KCNU1: variants seen among roughly 807,000 people sequenced by gnomAD.
KCNU1 encodes potassium calcium-activated channel subfamily U member 1.
Under a neutral mutation model 126.8 loss-of-function variants are expected in KCNU1, and 93 were observed. The ratio of observed to expected loss-of-function variants is 0.73; its 90% CI spans 0.62 to 0.87. The LOEUF is 0.87. Among genes scored for constraint, KCNU1 ranks in the 40% least tolerant of loss-of-function variants. The pLI is 0.00. For synonymous variants in KCNU1, 523 were observed against 494.2 expected, an observed-to-expected ratio of 1.06 and a Z score of -0.77; for missense variants, 1,330 against 1,367.1, an observed-to-expected ratio of 0.97 and a Z score of 0.43.
chr8:36,854,654 T>G (rs1476275970), intron 18 of KCNU1, among the ~76,000 whole-genome samples: 3 of 152,168 alleles, frequency 2.0e-5, no homozygotes, highest in Non-Finnish European at 4.4e-5. Flanking sequence ...TATAGGTTTT[T>G]AAAGCTCTTC....
intron 10 of KCNU1, among the ~76,000 whole-genome samples, chr8:36,826,888 A>T (rs1185352106): frequency 1.3e-5 from 2 of 151,686 alleles, no homozygotes; most frequent in Non-Finnish European, 2.9e-5. Flanking sequence ...TTTTATTTTT[A>T]TTTTTTGCAT....
chr8:36,932,936 G>A lies in KCNU1; in HGVS notation c.2948G>A (p.Gly983Glu). The A allele has an allele frequency of 6.4e-7, 1 of 1,569,220 alleles. No individual in the cohort carries two copies. The highest frequency in any genetic ancestry group is 8.7e-7 in the Non-Finnish European group (1 of 1,154,780). The change falls in exon 26 of 27, where the codon GGA becomes GAA. Residue 983 changes from glycine to glutamate, a missense_variant. Physicochemically the swap from Gly to Glu is moderately conservative, Grantham distance 98. Around this residue, in one of 3 missense-constraint regions of KCNU1, gnomAD observed 1,054 missense variants for 1,053.9 expected, o/e 1.00. Transcript: ENST00000399881. ...TCTCCCCAGCCAAGAAACACCTTTG[G>A]ACAACTGTTCTGTGGCTCATTAGAT... The part of the protein sequence containing the change: ...LSDVNPRNTF[G>E]QLFCGSLDLF...
intron 5 of KCNU1, among the ~76,000 whole-genome samples, chr8:36,807,117 A>T (rs1803530121): frequency 6.6e-6 from 1 of 152,168 alleles, no homozygotes; most frequent in Admixed American, 6.5e-5. Flanking sequence ...GTACTATTAT[A>T]ATAGTACCAT....
chr8:36,837,736 A>C (rs1804804265), intron 14 of KCNU1, among the ~76,000 whole-genome samples: 1 of 152,226 alleles, frequency 6.6e-6, no homozygotes, highest in Non-Finnish European at 1.5e-5. Context: ...TGGTCTTCCA[A>C]ATATCATTTC....
intron 2 of KCNU1, among the ~76,000 whole-genome samples, chr8:36,788,075 G>T (rs1585371650): frequency 6.6e-6 from 1 of 151,952 alleles, no homozygotes; most frequent in African/African-American, 2.4e-5. Context: ...CCTCTCCTTT[G>T]ATTTCAATAG....
chr8:36,841,951 T>C (rs913554038), intron 16 of KCNU1, among the ~76,000 whole-genome samples: 4 of 151,120 alleles, frequency 2.6e-5, no homozygotes, highest in African/African-American at 9.7e-5. Context: ...GACAAATAGA[T>C]ACTATAATAT....
At chr8:36,854,597 C>T (rs1805467205) in intron 18 of KCNU1, among the ~76,000 whole-genome samples, 1 of 151,070 alleles carries the variant, frequency 6.6e-6, no homozygotes, top group Non-Finnish European at 1.5e-5. Context: ...TAATGACATT[C>T]TCTATTTTGT....
intron 24 of KCNU1, among the ~76,000 whole-genome samples, chr8:36,929,824 A>G (rs1050371080): frequency 2.7e-4 from 41 of 152,112 alleles, no homozygotes; most frequent in African/African-American, 9.9e-4. Context: ...TCAGGATACT[A>G]AAAGGTTGAG....
intron 10 of KCNU1, among the ~76,000 whole-genome samples, chr8:36,832,166 T>C (rs1002087941): frequency 6.6e-6 from 1 of 152,202 alleles, no homozygotes; most frequent in East Asian, 1.9e-4. Flanking sequence ...TACTGTAGCC[T>C]TGTAGTATAG....
In KCNU1 at chr8:36,931,117, T is replaced by C; in HGVS notation, c.2903T>C (p.Leu968Ser). 9 of 1,609,458 alleles carry C rather than the reference T, an allele frequency of 5.6e-6. No individual in the cohort carries two copies. Among genetic ancestry groups the C allele is most frequent in the Non-Finnish European group, 7.6e-6 (9 of 1,177,938 alleles). Reference sequence around the variant, plus strand: ...CGGTGTAAGCTGGGGCTTCTGTCCTTACACGAAACCATTTTATCAGACGTT... The same window carrying C: ...CGGTGTAAGCTGGGGCTTCTGTCCTCACACGAAACCATTTTATCAGACGTT... ...RNRCKLGLLS[L>S]HETILSDVNP... Residue 968 changes from leucine to serine, a missense_variant, in exon 25 of 27, where the codon TTA (leucine) becomes TCA (serine). Physicochemically the swap from Leu to Ser is moderately radical, Grantham distance 145 (BLOSUM62 -2). Coordinates refer to ENST00000399881, the MANE Select transcript of KCNU1 (RefSeq NM_001031836.3).
chr8:36,797,070 A>G (rs1803126310), intron 2 of KCNU1, among the ~76,000 whole-genome samples: 1 of 152,198 alleles, frequency 6.6e-6, no homozygotes, highest in Non-Finnish European at 1.5e-5. Context: ...AGGCAGAACT[A>G]CATGGTGATT....
intron 19 of KCNU1, among the ~76,000 whole-genome samples, chr8:36,879,256 A>T (rs1029876182): frequency 7.7e-6 from 1 of 130,488 alleles, no homozygotes; most frequent in South Asian, 2.4e-4. Context: ...CATATATGAA[A>T]TATATGAGAT....
chr8:36,888,808 A>C, intron 19 of KCNU1: 3 of 521,094 alleles, frequency 5.8e-6, no homozygotes, highest in Non-Finnish European at 7.9e-6. Flanking sequence ...GACCAGAAAG[A>C]GTGAAACTTT....
chr8:36,831,975 A>G (rs1220881029), intron 10 of KCNU1, among the ~76,000 whole-genome samples: 1 of 152,242 alleles, frequency 6.6e-6, no homozygotes, highest in Non-Finnish European at 1.5e-5. Flanking sequence ...AGCTTTCTAC[A>G]TATGGCTAGC....
chr8:36,864,722 C>T (rs1805846968), intron 19 of KCNU1, among the ~76,000 whole-genome samples: 1 of 152,162 alleles, frequency 6.6e-6, no homozygotes, highest in Admixed American at 6.6e-5. Flanking sequence ...TTGCTCAAAT[C>T]ATCTGTACCC....
intron 19 of KCNU1, among the ~76,000 whole-genome samples, chr8:36,905,170 A>G (rs1018527488): frequency 2.0e-5 from 3 of 152,138 alleles, no homozygotes; most frequent in African/African-American, 7.2e-5. Flanking sequence ...ATCAGAGCAA[A>G]GTCTAGGCAA....
At chr8:36,885,659 G>T (rs930203792) in intron 19 of KCNU1, among the ~76,000 whole-genome samples, 1 of 152,148 alleles carries the variant, frequency 6.6e-6, no homozygotes, top group Non-Finnish European at 1.5e-5. Flanking sequence ...TGGTCATGGT[G>T]GTGGGCGCTT....
chr8:36,815,913 A>T, intron 9 of KCNU1, among the ~76,000 whole-genome samples: 1 of 152,190 alleles, frequency 6.6e-6, no homozygotes, highest in East Asian at 1.9e-4. Context: ...AACTAAATCA[A>T]CTAAAATGAC....
At chr8:36,805,124 T>C (rs1347088070) in intron 3 of KCNU1, 71 bp from the exon 4 acceptor site, 1 of 1,060,024 alleles carries the variant, frequency 9.4e-7, no homozygotes, top group Non-Finnish European at 1.4e-6. Context: ...ATTCTTTCCC[T>C]TTAGTTGGTC....
Sources: allele counts gnomAD v4.1 joint callset (sites outside exome capture counted in the v4.1 genomes callset), GRCh38; gene constraint gnomAD v4.1.1; regional missense constraint gnomAD v4.1.1; transcripts MANE v1.5; gene names NCBI Gene and HGNC (gene_info 2026-07-23, HGNC 2026-07-21).